Variants in ZIC1 observed in about 807,000 individuals in gnomAD.
ZIC1 encodes zinc finger protein ZIC 1.
Under a neutral mutation model 30.9 loss-of-function variants are expected in ZIC1, and 4 were observed. That is an observed-to-expected ratio of 0.13 (90% confidence interval 0.06 to 0.30). The LOEUF (loss-of-function observed/expected upper bound fraction) is 0.30, where lower values mean the gene tolerates loss of function less well. ZIC1 is among the 10% of genes least tolerant of loss of function. The pLI, the probability that ZIC1 is intolerant of heterozygous loss-of-function variation, is 1.00. For synonymous variants in ZIC1, 305 were observed against 277.5 expected, an observed-to-expected ratio of 1.10 and a Z score of -0.98; for missense variants, 441 against 639.3, an observed-to-expected ratio of 0.69 and a Z score of 3.34.
At position 147,410,134 on chromosome 3, in the gene ZIC1, C is replaced by T; in HGVS notation, c.22C>T (p.Gln8Ter). Residue 8 changes from glutamine (Q) to a stop codon, truncating the protein, a stop_gained, in exon 1 of 3, where the codon CAG (glutamine) becomes TAG (stop). Transcript: ENST00000282928. LOFTEE classifies it high-confidence loss of function. MLLDAGP[Q>*]YPAIGVTTFG... The stretch of plus-strand genomic sequence containing the variant: ...CACGATGCTCCTGGACGCCGGCCCC[C>T]AGTACCCAGCGATCGGCGTGACCAC... 1 of 1,587,292 alleles carries T rather than the reference C, an allele frequency of 6.3e-7. No homozygotes were observed. The highest frequency in any genetic ancestry group is 8.5e-7 in the Non-Finnish European group (1 of 1,174,024).
At position 147,416,117 on chromosome 3, in the gene ZIC1, A is replaced by G. The variant is rs111471833; in HGVS notation, c.*2566A>G. 5.0e-4 allele frequency: 76 copies of G among 152,376 alleles called. No homozygotes were observed. Among genetic ancestry groups the G allele is most frequent in the Middle Eastern group, 3.4e-3 (1 of 292 alleles). 9.4% of individuals were successfully genotyped at this position (152,376 alleles called of 1,614,324 possible). A position where few individuals can be genotyped will look rare whatever the true frequency, so the allele number is the denominator to read the frequency against. ...ATTTGCGAAGCAAAAGCTAGCCCCAATTGGTTTGGAAGTTTGAAACTGATT... is the reference window on the plus strand; with the variant it reads ...ATTTGCGAAGCAAAAGCTAGCCCCAGTTGGTTTGGAAGTTTGAAACTGATT... On this transcript the variant is annotated 3_prime_UTR_variant, in exon 3 of 3. Coordinates refer to ENST00000282928, the MANE Select transcript of ZIC1 (RefSeq NM_003412.4).
In ZIC1 at chr3:147,413,984, G is replaced by A. The variant is rs2087408429; in HGVS notation, c.*433G>A. The A allele has an allele frequency of 7.3e-6, 1 of 136,466 alleles. No individual in the cohort carries two copies. The highest frequency in any genetic ancestry group is 7.7e-5 in the Admixed American group (1 of 12,948). 8.5% of individuals were successfully genotyped at this position (136,466 alleles called of 1,614,324 possible). On this transcript the variant is annotated 3_prime_UTR_variant, in exon 3 of 3. Coordinates refer to ENST00000282928, the MANE Select transcript of ZIC1 (RefSeq NM_003412.4). The stretch of plus-strand genomic sequence containing the variant: ...AGTTATATCTCGGTTGGAGCGGGTG[G>A]GTGGGATTGTGGCGTTGTGGTCTTT...
chr3:147,411,301 G>A (rs1267706909), intron 1 of ZIC1, among the ~76,000 whole-genome samples: 1 of 152,186 alleles, frequency 6.6e-6, no homozygotes, highest in Non-Finnish European at 1.5e-5. Context: ...CGGACGAGGA[G>A]GAGCTGGGTA....
In ZIC1 at chr3:147,409,887, C is replaced by A. The variant is rs1480708160; in HGVS notation, c.-226C>A. The A allele has an allele frequency of 7.6e-6, 4 of 525,578 alleles. No homozygotes were observed. In the African/African-American group the frequency reaches 8.1e-5, roughly 11 times the overall value. The allele number at this position is 525,578 out of a possible 1,614,324, so 32.6% of individuals were successfully genotyped here. A position where few individuals can be genotyped will look rare whatever the true frequency, so the allele number is the denominator to read the frequency against. On this transcript the variant is annotated 5_prime_UTR_variant, in exon 1 of 3. Transcript: ENST00000282928. The stretch of plus-strand genomic sequence containing the variant: ...GCGCTGGAGCCTGCGTTACTCGCGG[C>A]CCGCAGCCGTCCGGCTACTTTGCGT...
chr3:147,411,306 T>A (rs539987236), intron 1 of ZIC1, among the ~76,000 whole-genome samples: 2 of 152,170 alleles, frequency 1.3e-5, no homozygotes, highest in African/African-American at 4.8e-5. Context: ...GAGGAGGAGC[T>A]GGGTATATAG....
In ZIC1 at chr3:147,414,292, C is replaced by G. The variant is rs540585896; in HGVS notation, c.*741C>G. On this transcript the variant is annotated 3_prime_UTR_variant, in exon 3 of 3. Transcript: ENST00000282928. ...TGTCCTGTCAAGAATTCGTATAGTA[C>G]GAGCCTGGATCTGCGTGTCAAACTG... 1.3e-5 allele frequency: 2 copies of G among 152,410 alleles called. No homozygotes were observed. Among genetic ancestry groups the G allele is most frequent in the East Asian group, 3.9e-4 (2 of 5,186 alleles). 9.4% of individuals were successfully genotyped at this position (152,410 alleles called of 1,614,324 possible).
rs1249487763 is a variant in ZIC1, at chr3:147,410,649, C to G, written c.537C>G (p.Gly179=). 1 of 1,613,714 alleles carries G rather than the reference C, an allele frequency of 6.2e-7. No homozygotes were observed. The highest frequency in any genetic ancestry group is 1.1e-5 in the South Asian group (1 of 91,084). ...GDMYPRPEQY[G]QVTSPRSEHY... Reference sequence around the variant, plus strand: ...TGTACCCGCGACCGGAGCAGTACGGCCAGGTGACCAGCCCGCGTTCGGAGC... The same window carrying G: ...TGTACCCGCGACCGGAGCAGTACGGGCAGGTGACCAGCCCGCGTTCGGAGC... Residue 179 remains glycine, a synonymous_variant, in exon 1 of 3, where the codon GGC becomes GGG. Coordinates refer to ENST00000282928, the MANE Select transcript of ZIC1 (RefSeq NM_003412.4).
chr3:147,413,523 C>T lies in ZIC1; in HGVS notation c.1316C>T (p.Ser439Phe), dbSNP rs1576470837. 1 of 1,614,158 alleles carries T rather than the reference C, an allele frequency of 6.2e-7. No individual in the cohort carries two copies. The highest frequency in any genetic ancestry group is 2.2e-5 in the East Asian group (1 of 44,860). ...CACACAGCCGGCCACAGTGCGCTCT[C>T]TTCCAATTTTAACGAATGGTACGTT... Reference protein sequence around the residue: ...VHHTAGHSALSSNFNEWYV With the variant: ...VHHTAGHSALFSNFNEWYV Residue 439 changes from serine to phenylalanine, a missense_variant, in exon 3 of 3, where the codon TCT becomes TTT. By Grantham distance (155) the Ser-to-Phe change is radical. Around this residue, in one of 5 missense-constraint regions of ZIC1, gnomAD observed 56 missense variants for 52.5 expected, o/e 1.07. Coordinates refer to ENST00000282928, the MANE Select transcript of ZIC1 (RefSeq NM_003412.4).
rs1001631190 is a variant in ZIC1 at position 147,409,870 on chromosome 3, G to A, written c.-243G>A. 6 of 506,458 alleles carry A rather than the reference G, an allele frequency of 1.2e-5. No individual in the cohort carries two copies. The highest frequency in any genetic ancestry group is 2.1e-5 in the Non-Finnish European group (6 of 292,042). 31.4% of individuals were successfully genotyped at this position (506,458 alleles called of 1,614,324 possible). On this transcript the variant is annotated 5_prime_UTR_variant, in exon 1 of 3. Coordinates refer to ENST00000282928, the MANE Select transcript of ZIC1 (RefSeq NM_003412.4). ...CAGAATCTGCCTGGCGGGCGCTGGA[G>A]CCTGCGTTACTCGCGGCCCGCAGCC...
At position 147,414,817 on chromosome 3, in the gene ZIC1, A is replaced by G. The variant is rs919277680; in HGVS notation, c.*1266A>G. 2 of 152,626 alleles carry G rather than the reference A, an allele frequency of 1.3e-5. No homozygotes were observed. The highest frequency in any genetic ancestry group is 4.8e-5 in the African/African-American group (2 of 41,446). 9.5% of individuals were successfully genotyped at this position (152,626 alleles called of 1,614,324 possible). ...TGACCTTTGCAGATGTAGAATAACAACCATAAAAATAACAGGAATAGATTG... is the reference window on the plus strand; with the variant it reads ...TGACCTTTGCAGATGTAGAATAACAGCCATAAAAATAACAGGAATAGATTG... On this transcript the variant is annotated 3_prime_UTR_variant, in exon 3 of 3. Coordinates refer to ENST00000282928, the MANE Select transcript of ZIC1 (RefSeq NM_003412.4).
rs1441858834 is a variant in ZIC1, at chr3:147,416,618, C to T, written c.*3067C>T. The T allele has an allele frequency of 6.6e-6, 1 of 152,100 alleles. No individual in the cohort carries two copies. Among genetic ancestry groups the T allele is most frequent in the Non-Finnish European group, 1.5e-5 (1 of 68,006 alleles). The allele number at this position is 152,100 out of a possible 1,614,324, so 9.4% of individuals were successfully genotyped here. ...CAAATATCTGTTTAGACTGTGAAGG[C>T]CAAATAATTTTTAAGAAAACATTTG... On this transcript the variant is annotated 3_prime_UTR_variant, in exon 3 of 3. Transcript: ENST00000282928.
intron 2 of ZIC1, among the ~76,000 whole-genome samples, 176 bp downstream of exon 2, chr3:147,412,857 G>C (rs970732205): frequency 6.6e-6 from 1 of 152,200 alleles, no homozygotes; most frequent in Non-Finnish European, 1.5e-5. Flanking sequence ...AAAAGGGGAT[G>C]GGAGTGTCCA....
chr3:147,412,734 C>T, intron 2 of ZIC1, 53 bp downstream of exon 2: 2 of 1,582,026 alleles, frequency 1.3e-6, no homozygotes, highest in South Asian at 1.1e-5. Context: ...TCTTGGCTCT[C>T]GGCTTGGGGT....
chr3:147,410,366 A>G lies in ZIC1; in HGVS notation c.254A>G (p.His85Arg). 1 of 1,601,402 alleles carries G rather than the reference A, an allele frequency of 6.2e-7. No individual in the cohort carries two copies. The highest frequency in any genetic ancestry group is 8.5e-7 in the Non-Finnish European group (1 of 1,179,564). Reference sequence around the variant, plus strand: ...CTGGGCCATCACCATCACCCGGGCCACGTCGGCTCCTATTCCAGCGCAGCC... The same window carrying G: ...CTGGGCCATCACCATCACCCGGGCCGCGTCGGCTCCTATTCCAGCGCAGCC... ...AALGHHHHPG[H>R]VGSYSSAAFN... Residue 85 changes from histidine (H) to arginine (R), a missense_variant, in exon 1 of 3, where the codon CAC becomes CGC. His to Arg is a conservative substitution (Grantham distance 29). Transcript: ENST00000282928.
chr3:147,410,144 C>A lies in ZIC1; in HGVS notation c.32C>A (p.Ala11Glu). 2 of 1,592,270 alleles carry A rather than the reference C, an allele frequency of 1.3e-6. No homozygotes were observed. The highest frequency in any genetic ancestry group is 8.5e-7 in the Non-Finnish European group (1 of 1,176,050). MLLDAGPQYPAIGVTTFGASR... is the reference protein window; with the variant it reads MLLDAGPQYPEIGVTTFGASR... ...CTGGACGCCGGCCCCCAGTACCCAG[C>A]GATCGGCGTGACCACCTTTGGCGCG... is the stretch of plus-strand genomic sequence containing the variant. Residue 11 changes from alanine to glutamate, a missense_variant, in exon 1 of 3, where the codon GCG (alanine) becomes GAG (glutamate). Physicochemically the swap from Ala to Glu is moderately radical, Grantham distance 107 (BLOSUM62 -1). Around this residue, in one of 5 missense-constraint regions of ZIC1, gnomAD observed 307 missense variants for 355.3 expected, o/e 0.86. Transcript: ENST00000282928.
rs1429858064 is a variant in ZIC1, at chr3:147,410,855, C to T, written c.743C>T (p.Thr248Ile). 1 of 1,614,260 alleles carries T rather than the reference C, an allele frequency of 6.2e-7. No individual in the cohort carries two copies. Among genetic ancestry groups the T allele is most frequent in the Admixed American group, 1.7e-5 (1 of 60,030 alleles). Residue 248 changes from threonine to isoleucine, a missense_variant, in exon 1 of 3, where the codon ACC (threonine) becomes ATC (isoleucine). Thr to Ile is a moderately conservative substitution (Grantham distance 89). Coordinates refer to ENST00000282928, the MANE Select transcript of ZIC1 (RefSeq NM_003412.4). ...PKKSCNKTFS[T>I]MHELVTHVTV... ...AAGTCGTGCAACAAAACTTTCAGCA[C>T]CATGCACGAGCTAGTTACGCACGTC...
chr3:147,411,217 G>T, intron 1 of ZIC1, 123 bp downstream of exon 1: 1 of 1,357,116 alleles, frequency 7.4e-7, no homozygotes, highest in Non-Finnish European at 9.9e-7. Flanking sequence ...GTTCCGGCAG[G>T]CAGGCAGGGA....
chr3:147,411,558 G>A (rs2087378934), intron 1 of ZIC1, among the ~76,000 whole-genome samples: 3 of 152,294 alleles, frequency 2.0e-5, no homozygotes, highest in Admixed American at 1.3e-4. Context: ...GGTTAAGGGC[G>A]TAGAAAGAAA....
Position 147,413,837 on chromosome 3 carries a change from C to A in ZIC1, c.*286C>A, listed in dbSNP as rs1416702203. The A allele has an allele frequency of 3.4e-6, 1 of 290,802 alleles. No homozygotes were observed. The highest frequency in any genetic ancestry group is 6.3e-6 in the Non-Finnish European group (1 of 158,658). The allele number at this position is 290,802 out of a possible 1,614,324, so 18.0% of individuals were successfully genotyped here. A position where few individuals can be genotyped will look rare whatever the true frequency, so the allele number is the denominator to read the frequency against. On this transcript the variant is annotated 3_prime_UTR_variant, in exon 3 of 3. Coordinates refer to ENST00000282928, the MANE Select transcript of ZIC1 (RefSeq NM_003412.4). ...GGCCACCTGACCAAATGCCGCCAAC[C>A]CCGAGGGCCAGTTTCTTGTCGAATT... is the stretch of plus-strand genomic sequence containing the variant.
Sources: gnomAD v4.1 joint callset for allele counts (sites outside exome capture counted in the v4.1 genomes callset) on GRCh38, gnomAD v4.1.1 for gene constraint, gnomAD v4.1.1 regional missense constraint, MANE v1.5 for transcripts, NCBI Gene and HGNC (gene_info 2026-07-23, HGNC 2026-07-21) for gene names.